RNASEH2C: variants seen among roughly 807,000 people sequenced by gnomAD.
RNASEH2C encodes the protein RNase H1 small subunit.
Under a neutral mutation model 16.3 loss-of-function variants are expected in RNASEH2C, and 20 were observed. That is an observed-to-expected ratio of 1.23 (90% CI 0.86 to 1.79). The LOEUF (loss-of-function observed/expected upper bound fraction) is 1.79. Ranked by LOEUF, RNASEH2C falls within the 40% of genes most tolerant of loss-of-function variation. The pLI is 0.00. For synonymous variants in RNASEH2C, 106 were observed against 98.9 expected (o/e 1.07, Z -0.43); for missense variants, 296 against 235.9 (o/e 1.25, Z -1.67).
At position 65,719,124 on chromosome 11, in the gene RNASEH2C, C is replaced by T. The variant is rs1256162185; in HGVS notation, c.*659G>A. On this transcript the variant is annotated 3_prime_UTR_variant, in exon 4 of 4. Transcript: ENST00000308418. ...CCATGCTCAAGCGGCTCCTGCGGAT[C>T]GACTCCAAGTGTCTGCACTTCACTC... 13 of 1,614,166 alleles carry T rather than the reference C, an allele frequency of 8.1e-6. No homozygotes were observed. The highest frequency in any genetic ancestry group is 2.2e-5 in the South Asian group (2 of 91,084).
At position 65,719,796 on chromosome 11, in the gene RNASEH2C, A is replaced by C; in HGVS notation, c.482T>G (p.Val161Gly). The change falls in exon 4 of 4, where the codon GTG becomes GGG. Residue 161 changes from valine to glycine, a missense_variant. Transcript: ENST00000308418. Reference protein sequence around the residue: ...PSLAAAIHAQVPED With the variant: ...PSLAAAIHAQGPED ...AAGCTCTGGTTCTCAGTCCTCGGGC[A>C]CCTGTGCGTGAATCTGCAACAGGAG... 1 of 1,614,132 alleles carries C rather than the reference A, an allele frequency of 6.2e-7. No homozygotes were observed. Among genetic ancestry groups the C allele is most frequent in the Non-Finnish European group, 8.5e-7 (1 of 1,180,002 alleles).
In RNASEH2C at chr11:65,720,293, C is replaced by T. The variant is rs1390405064; in HGVS notation, c.297G>A (p.Leu99=). The T allele has an allele frequency of 6.2e-7, 1 of 1,614,252 alleles. No individual in the cohort carries two copies. The highest frequency in any genetic ancestry group is 1.3e-5 in the African/African-American group (1 of 75,070). Residue 99 remains leucine (L), a synonymous_variant, in exon 2 of 4, where the codon TTG becomes TTA. Transcript: ENST00000308418. ...KKVSMGKPDP[L]RDSGTDDQEE... is the part of the protein sequence containing the mutation. ...CTTGGTCGTCAGTCCCGGAATCCCGCAAGGGGTCTGGCTTCCCCATCGACA... is the reference window on the plus strand; with the variant it reads ...CTTGGTCGTCAGTCCCGGAATCCCGTAAGGGGTCTGGCTTCCCCATCGACA...
At position 65,718,563 on chromosome 11, in the gene RNASEH2C, T is replaced by C. The variant is rs561998272; in HGVS notation, c.*1220A>G. 1.4e-5 allele frequency: 22 copies of C among 1,600,984 alleles called. No homozygotes were observed. The highest frequency in any genetic ancestry group is 1.7e-5 in the Admixed American group (1 of 58,114). ...CTTATGTTCATCTGTGACCTCTTACTCACCCTCTCCTGCTCCATTGCTTTA... is the reference window on the plus strand; with the variant it reads ...CTTATGTTCATCTGTGACCTCTTACCCACCCTCTCCTGCTCCATTGCTTTA... On this transcript the variant is annotated 3_prime_UTR_variant, in exon 4 of 4. Transcript: ENST00000308418.
At chr11:65,720,499 G>T in intron 1 of RNASEH2C, 82 bp from the exon 2 acceptor site, 1 of 1,580,550 alleles carries the variant, frequency 6.3e-7, no homozygotes, top group South Asian at 1.1e-5. Context: ...CCTCCGGACG[G>T]ACCACGATCC....
At position 65,719,725 on chromosome 11, in the gene RNASEH2C, C is replaced by G. The variant is rs1290153726; in HGVS notation, c.*58G>C. On this transcript the variant is annotated 3_prime_UTR_variant, in exon 4 of 4. Coordinates refer to ENST00000308418, the MANE Select transcript of RNASEH2C (RefSeq NM_032193.4). ...TTTATTGGGGTGATGGAATCGGTTC[C>G]AAAGAGCTGGTTTACTGCTGTGAAG... 4 of 1,594,534 alleles carry G rather than the reference C, an allele frequency of 2.5e-6. No individual in the cohort carries two copies. Among genetic ancestry groups the G allele is most frequent in the Non-Finnish European group, 3.4e-6 (4 of 1,163,192 alleles).
rs370970433 is a variant in RNASEH2C at position 65,718,691 on chromosome 11, C to T, written c.*1092G>A. On this transcript the variant is annotated 3_prime_UTR_variant, in exon 4 of 4. Coordinates refer to ENST00000308418, the MANE Select transcript of RNASEH2C (RefSeq NM_032193.4). Reference sequence around the variant, plus strand: ...TCGAAGCTACTGGTCCCAGACCATCCTGGAGATCCTGATGGGGCTGAAGTC... The same window carrying T: ...TCGAAGCTACTGGTCCCAGACCATCTTGGAGATCCTGATGGGGCTGAAGTC... 12 of 1,614,090 alleles carry T rather than the reference C, an allele frequency of 7.4e-6. No homozygotes were observed. The highest frequency in any genetic ancestry group is 6.7e-5 in the African/African-American group (5 of 74,926).
At position 65,719,320 on chromosome 11, in the gene RNASEH2C, C is replaced by T; in HGVS notation, c.*463G>A. 3 of 1,064,722 alleles carry T rather than the reference C, an allele frequency of 2.8e-6. No individual in the cohort carries two copies. Among genetic ancestry groups the T allele is most frequent in the South Asian group, 1.6e-5 (1 of 61,700 alleles). 66.0% of individuals were successfully genotyped at this position (1,064,722 alleles called of 1,614,324 possible). On this transcript the variant is annotated 3_prime_UTR_variant, in exon 4 of 4. Coordinates refer to ENST00000308418, the MANE Select transcript of RNASEH2C (RefSeq NM_032193.4). ...CTCAAAAAGGAGAGGACAGGCCTGG[C>T]AGGGGCCCACTGGTGCCCAGCACCA...
rs1398024318 is a variant in RNASEH2C at position 65,719,546 on chromosome 11, A to G, written c.*237T>C. 1 of 620,282 alleles carries G rather than the reference A, an allele frequency of 1.6e-6. No homozygotes were observed. Among genetic ancestry groups the G allele is most frequent in the Non-Finnish European group, 2.8e-6 (1 of 353,236 alleles). 38.4% of individuals were successfully genotyped at this position (620,282 alleles called of 1,614,324 possible). ...GGGGGTGGGGTGGGTGCTGGCTGCA[A>G]AAATTTCTGGCTTCTCTTACCCCTA... On this transcript the variant is annotated 3_prime_UTR_variant, in exon 4 of 4. Transcript: ENST00000308418.
chr11:65,719,873 C>G (rs544907678), intron 3 of RNASEH2C, 64 bp from the exon 4 acceptor site: 1 of 1,609,548 alleles, frequency 6.2e-7, no homozygotes, highest in South Asian at 1.1e-5. Context: ...GCCCCCATAC[C>G]CGAGGAAGGA....
rs774676282 is a variant in RNASEH2C at position 65,720,630 on chromosome 11, C to G, written c.129G>C (p.Pro43=). 3.2e-6 allele frequency: 5 copies of G among 1,555,696 alleles called. No individual in the cohort carries two copies. Among genetic ancestry groups the G allele is most frequent in the East Asian group, 4.8e-5 (2 of 41,438 alleles). ...TGGCGGGCGTGAAGAAGCGCCCCAC[C>G]GGGGCGGGCCCGTCCACCGCAACCT... ...PCEVAVDGPA[P]VGRFFTPAIR... Residue 43 remains proline (P), a synonymous_variant, in exon 1 of 4, where the codon CCG becomes CCC. Transcript: ENST00000308418.
At position 65,719,719 on chromosome 11, in the gene RNASEH2C, C is replaced by G; in HGVS notation, c.*64G>C. The G allele has an allele frequency of 3.8e-6, 6 of 1,564,408 alleles. No individual in the cohort carries two copies. The highest frequency in any genetic ancestry group is 4.4e-6 in the Non-Finnish European group (5 of 1,135,970). ...AGCTCCTTTATTGGGGTGATGGAAT[C>G]GGTTCCAAAGAGCTGGTTTACTGCT... On this transcript the variant is annotated 3_prime_UTR_variant, in exon 4 of 4. Coordinates refer to ENST00000308418, the MANE Select transcript of RNASEH2C (RefSeq NM_032193.4).
At position 65,718,843 on chromosome 11, in the gene RNASEH2C, T is replaced by C. The variant is rs767097041; in HGVS notation, c.*940A>G. On this transcript the variant is annotated 3_prime_UTR_variant, in exon 4 of 4. Transcript: ENST00000308418. ...GGCTCCTGGGGACAGATAAAGGTCCTCAGGGAACCTGACCTGTGCTCTCCC... is the reference window on the plus strand; with the variant it reads ...GGCTCCTGGGGACAGATAAAGGTCCCCAGGGAACCTGACCTGTGCTCTCCC... 4.3e-5 allele frequency: 70 copies of C among 1,613,328 alleles called. No individual in the cohort carries two copies. Among genetic ancestry groups the C allele is most frequent in the Non-Finnish European group, 5.4e-5 (64 of 1,179,388 alleles).
At position 65,720,101 on chromosome 11, in the gene RNASEH2C, G is replaced by A. The variant is rs77834781; in HGVS notation, c.412C>T (p.Pro138Ser). The change falls in exon 3 of 4, where the codon CCT becomes TCT. Residue 138 changes from proline to serine, a missense_variant. Pro to Ser is a moderately conservative substitution (Grantham distance 74). Transcript: ENST00000308418. ...RFTLWGLETI[P>S]GPDAKVRGAL... ...CCACGCACTTTGGCATCCGGGCCAGGGATGGTCTCCAGACCCCACAGGGTG... is the reference window on the plus strand; with the variant it reads ...CCACGCACTTTGGCATCCGGGCCAGAGATGGTCTCCAGACCCCACAGGGTG... 1.2e-6 allele frequency: 2 copies of A among 1,614,202 alleles called. No homozygotes were observed. Among genetic ancestry groups the A allele is most frequent in the Non-Finnish European group, 1.7e-6 (2 of 1,180,050 alleles).
In RNASEH2C at chr11:65,720,002, G is replaced by A. The variant is rs758663168; in HGVS notation, c.468+43C>T. The A allele has an allele frequency of 2.5e-6, 4 of 1,610,684 alleles. No homozygotes were observed. The South Asian group carries it at 4.4e-5, about 18-fold the overall frequency. On this transcript the variant is annotated intron_variant, in intron 3 of 3. Coordinates refer to ENST00000308418, the MANE Select transcript of RNASEH2C (RefSeq NM_032193.4). ...TCCGTCTGCGCAATTGTGCTCCCCA[G>A]CCCATCCACCCGGGGGCAAGACGGA...
Position 65,720,316 on chromosome 11 carries a change from A to C in RNASEH2C, c.274T>G (p.Ser92Ala). The part of the protein sequence containing the change: ...YVMVTEEKKV[S>A]MGKPDPLRDS... The stretch of plus-strand genomic sequence containing the variant: ...CGCAAGGGGTCTGGCTTCCCCATCG[A>C]CACCTTCTTCTCTTCTGTCACCATC... The change falls in exon 2 of 4, where the codon TCG (serine) becomes GCG (alanine). Residue 92 changes from serine (S) to alanine (A), a missense_variant. Coordinates refer to ENST00000308418, the MANE Select transcript of RNASEH2C (RefSeq NM_032193.4). 6.2e-7 allele frequency: 1 copy of C among 1,613,962 alleles called. No homozygotes were observed. The highest frequency in any genetic ancestry group is 1.6e-4 in the Middle Eastern group (1 of 6,062).
chr11:65,719,695 G>T lies in RNASEH2C; in HGVS notation c.*88C>A. On this transcript the variant is annotated 3_prime_UTR_variant, in exon 4 of 4. Transcript: ENST00000308418. ...CCCAGACTCACAGGTGCTGTGAAGA[G>T]CTCCTTTATTGGGGTGATGGAATCG... 2 of 1,416,080 alleles carry T rather than the reference G, an allele frequency of 1.4e-6. No individual in the cohort carries two copies. The highest frequency in any genetic ancestry group is 2.0e-6 in the Non-Finnish European group (2 of 1,001,160). The allele number at this position is 1,416,080 out of a possible 1,614,324, so 87.7% of individuals were successfully genotyped here.
chr11:65,720,786 G>A lies in RNASEH2C; in HGVS notation c.-28C>T, dbSNP rs1857364786. The A allele has an allele frequency of 6.4e-7, 1 of 1,567,508 alleles. No homozygotes were observed. The highest frequency in any genetic ancestry group is 8.6e-7 in the Non-Finnish European group (1 of 1,164,020). On this transcript the variant is annotated 5_prime_UTR_variant, in exon 1 of 4. Transcript: ENST00000308418. ...TCCCTCCTACGCGACGCCAGGGCTCGCGAGCTGACACTGAAGCTGGCGCGG... is the reference window on the plus strand; with the variant it reads ...TCCCTCCTACGCGACGCCAGGGCTCACGAGCTGACACTGAAGCTGGCGCGG...
intron 1 of RNASEH2C, 34 bp downstream of exon 1, chr11:65,720,552 GC>G: frequency 6.6e-7 from 1 of 1,516,868 alleles, no homozygotes; most frequent in Non-Finnish European, 8.8e-7. Flanking sequence ...CGGCGCGGGG[GC>G]TGCCGGGAGC....
At position 65,718,480 on chromosome 11, in the gene RNASEH2C, G is replaced by GT; in HGVS notation, c.*1302_*1303insA. On this transcript the variant is annotated 3_prime_UTR_variant, in exon 4 of 4. Transcript: ENST00000308418. ...GTGGAGGGCATAGAACTGCCAAGTGGCAGGGCCATGATAGGAACTAGGCAG... is the reference window on the plus strand; with the variant it reads ...GTGGAGGGCATAGAACTGCCAAGTGGTCAGGGCCATGATAGGAACTAGGCAG... 2 of 1,107,778 alleles carry GT rather than the reference G, an allele frequency of 1.8e-6. No homozygotes were observed. Among genetic ancestry groups the GT allele is most frequent in the South Asian group, 1.5e-5 (1 of 68,142 alleles). The allele number at this position is 1,107,778 out of a possible 1,614,324, so 68.6% of individuals were successfully genotyped here.
Sources: gnomAD v4.1 joint callset for allele counts on GRCh38, gnomAD v4.1.1 for gene constraint, MANE v1.5 for transcripts, NCBI Gene and HGNC (gene_info 2026-07-23, HGNC 2026-07-21) for gene names.